Variants in MAGI2 observed in about 807,000 individuals in gnomAD.
MAGI2 encodes the protein membrane-associated guanylate kinase, WW and PDZ domain-containing protein 2.
Under a neutral mutation model 133.3 loss-of-function variants are expected in MAGI2, and 35 were observed. That is an observed-to-expected ratio of 0.26 (90% CI 0.20 to 0.35). The LOEUF is 0.35. Among genes scored for constraint, MAGI2 ranks in the 10% least tolerant of loss-of-function variants. The pLI, the probability that MAGI2 is intolerant of heterozygous loss-of-function variation, is 1.00. For missense variants in MAGI2, 1,636 were observed against 1,863.4 expected (o/e 0.88, Z 2.25); for synonymous variants, 729 against 710.6 (o/e 1.03, Z -0.41).
At chr7:78,592,006 C>T (rs1804054078) in intron 3 of MAGI2, among the ~76,000 whole-genome samples, 1 of 151,984 alleles carries the variant, frequency 6.6e-6, no homozygotes, top group Non-Finnish European at 1.5e-5. Flanking sequence ...AAGGAAATTC[C>T]TTATATTGAG....
chr7:78,463,528 A>G (rs531608121), intron 6 of MAGI2, among the ~76,000 whole-genome samples: 1 of 152,304 alleles, frequency 6.6e-6, no homozygotes, highest in South Asian at 2.1e-4. Flanking sequence ...GGAGAAATAA[A>G]AATATGTATT....
chr7:78,113,755 CA>C (rs1403971291), intron 20 of MAGI2, among the ~76,000 whole-genome samples: 14 of 152,242 alleles, frequency 9.2e-5, no homozygotes, highest in African/African-American at 3.4e-4. Flanking sequence ...TCCCTGTCAT[CA>C]AGAGATGCAT....
rs1805820376 is a variant in MAGI2, at chr7:78,606,409, T to G, written c.538+20711A>C. Among the ~76,000 whole-genome samples the G allele has an allele frequency of 2.0e-5, 3 of 151,334 alleles. No homozygotes were observed. The South Asian group carries it at 6.3e-4, about 32-fold the overall frequency. ...CTACTTTTGACAAAAACTCACTTTG[T>G]GAAGCCAAGCAGAGCCACAAATATA... On this transcript the variant is annotated intron_variant, in intron 3 of 21. Coordinates refer to ENST00000354212, the MANE Select transcript of MAGI2 (RefSeq NM_012301.4).
chr7:78,078,253 G>A (rs543574567), intron 21 of MAGI2: 1 of 152,460 alleles, frequency 6.6e-6, no homozygotes, highest in East Asian at 1.9e-4. Context: ...TGCTTTTCAT[G>A]TAATGACCAC....
chr7:78,393,050 A>G (rs1796041583), intron 6 of MAGI2, among the ~76,000 whole-genome samples: 1 of 152,192 alleles, frequency 6.6e-6, no homozygotes, highest in African/African-American at 2.4e-5. Context: ...AACGATTAGA[A>G]CCAGGAGGTG....
intron 2 of MAGI2, among the ~76,000 whole-genome samples, chr7:78,733,762 C>G (rs1821589708): frequency 6.6e-6 from 1 of 151,994 alleles, no homozygotes; most frequent in African/African-American, 2.4e-5. Context: ...GACATTCATG[C>G]CTTTAAGGAA....
intron 1 of MAGI2, among the ~76,000 whole-genome samples, chr7:79,235,822 ATT>A (rs1831875404): frequency 6.6e-6 from 1 of 152,212 alleles, no homozygotes; most frequent in Admixed American, 6.5e-5. Context: ...CTTGAAAAAT[ATT>A]CTAAGTCATT....
intron 21 of MAGI2, among the ~76,000 whole-genome samples, chr7:78,027,520 C>T (rs1287852630): frequency 1.3e-5 from 2 of 151,022 alleles, no homozygotes; most frequent in African/African-American, 2.4e-5. Context: ...CCCAGCTACT[C>T]GGGATGCTGA....
intron 15 of MAGI2, among the ~76,000 whole-genome samples, chr7:78,166,658 G>A (rs748296024): frequency 7.9e-5 from 12 of 152,088 alleles, no homozygotes; most frequent in South Asian, 2.1e-4. Flanking sequence ...AGGATTTTTC[G>A]TCACATGAAT....
rs772869062 is a variant in MAGI2, at chr7:79,002,910, GT to G, written c.418+4179del. 4.3e-3 allele frequency among the ~76,000 whole-genome samples: 553 copies of G among 129,238 alleles called. 6 individuals carry two copies. The highest frequency in any genetic ancestry group is 0.011 in the African/African-American group (396 of 35,604). 84.8% of individuals were successfully genotyped at this position (129,238 alleles called of 152,430 possible). ...GTGTGTGTGTGTGTGTTGTTTGCTTGTTTTTTTTTTTTTTAGAATTAGGCGG... is the reference window on the plus strand; with the variant it reads ...GTGTGTGTGTGTGTGTTGTTTGCTTGTTTTTTTTTTTTTAGAATTAGGCGG... On this transcript the variant is annotated intron_variant, in intron 2 of 21. Transcript: ENST00000354212.
intron 2 of MAGI2, among the ~76,000 whole-genome samples, chr7:78,684,878 T>G (rs1816107387): frequency 1.3e-5 from 2 of 152,248 alleles, no homozygotes; most frequent in South Asian, 4.1e-4. Flanking sequence ...GATGGCAAAT[T>G]ATGCATATGA....
At chr7:79,094,958 T>C (rs1250896104) in intron 1 of MAGI2, among the ~76,000 whole-genome samples, 2 of 152,162 alleles carry the variant, frequency 1.3e-5, no homozygotes, top group Non-Finnish European at 2.9e-5. Context: ...CTAGCTTCAA[T>C]TTGAAGTCAT....
chr7:79,230,525 C>T (rs1831272823), intron 1 of MAGI2, among the ~76,000 whole-genome samples: 1 of 151,806 alleles, frequency 6.6e-6, no homozygotes, highest in African/African-American at 2.4e-5. Context: ...TTTTGATTTG[C>T]ATTTCTCTGA....
In MAGI2 at chr7:78,196,505, G is replaced by A. The variant is rs918455855; in HGVS notation, c.2080-1442C>T. Among the ~76,000 whole-genome samples the A allele has an allele frequency of 4.6e-5, 7 of 152,236 alleles. No individual in the cohort carries two copies. The South Asian group carries it at 8.3e-4, about 18-fold the overall frequency. On this transcript the variant is annotated intron_variant, in intron 11 of 21. Coordinates refer to ENST00000354212, the MANE Select transcript of MAGI2 (RefSeq NM_012301.4). ...GTAACTTTCTGTCCCCTATGGCACCGTCCTGCTTTAGTTTTCACACTAGCT... is the reference window on the plus strand; with the variant it reads ...GTAACTTTCTGTCCCCTATGGCACCATCCTGCTTTAGTTTTCACACTAGCT...
At chr7:78,573,207 T>A (rs1291493738) in intron 3 of MAGI2, among the ~76,000 whole-genome samples, 6 of 81,690 alleles carry the variant, frequency 7.3e-5, no homozygotes, top group African/African-American at 3.3e-4. Context: ...TATATATAAA[T>A]ATATATATAA....
chr7:78,054,119 A>ATATTT (rs754632322), intron 21 of MAGI2, among the ~76,000 whole-genome samples: 11 of 151,956 alleles, frequency 7.2e-5, no homozygotes, highest in African/African-American at 2.2e-4. Context: ...AGCAATACAC[A>ATATTT]TATTTTATTT....
chr7:79,037,462 G>A (rs1467586825), intron 1 of MAGI2, among the ~76,000 whole-genome samples: 1 of 152,090 alleles, frequency 6.6e-6, no homozygotes, highest in Admixed American at 6.6e-5. Flanking sequence ...AGTAACAGAG[G>A]TTCTCTGTAT....
intron 1 of MAGI2, among the ~76,000 whole-genome samples, chr7:79,256,403 C>T (rs549886725): frequency 6.6e-6 from 1 of 151,558 alleles, no homozygotes; most frequent in Non-Finnish European, 1.5e-5. Flanking sequence ...GTTCATTGCT[C>T]AGGAGTTTCT....
chr7:79,364,698 T>C (rs990791086), intron 1 of MAGI2, among the ~76,000 whole-genome samples: 2 of 152,038 alleles, frequency 1.3e-5, no homozygotes, highest in African/African-American at 4.8e-5. Context: ...GGAGGAAGAA[T>C]AACCCTTAAG....
Sources: gnomAD v4.1 joint callset for allele counts (sites outside exome capture counted in the v4.1 genomes callset) on GRCh38, gnomAD v4.1.1 for gene constraint, MANE v1.5 for transcripts, NCBI Gene and HGNC (gene_info 2026-07-23, HGNC 2026-07-21) for gene names.